The following TENM2 variants were observed in gnomAD, a reference collection of about 807,000 sequenced individuals.
TENM2 encodes the protein teneurin transmembrane protein 2.
A neutral mutation model predicts 245.2 loss-of-function variants in TENM2; 52 were observed. That is an observed-to-expected ratio of 0.21 (90% CI 0.17 to 0.27). TENM2 has a LOEUF of 0.27. Among genes scored for constraint, TENM2 ranks in the 10% least tolerant of loss-of-function variants. The pLI is 1.00. For missense variants in TENM2, 3,046 were observed against 3,666.8 expected (o/e 0.83, Z 4.37); for synonymous variants, 1,363 against 1,438.9 (o/e 0.95, Z 1.19).
At chr5:168,180,741 A>G (rs140787604) in intron 13 of TENM2, among the ~76,000 whole-genome samples, 5,006 of 152,122 alleles carry the variant, frequency 0.033, 121 homozygotes, top group Middle Eastern at 0.065. Context: ...ACTAAAAATA[A>G]AAATAAAAAA....
chr5:167,694,633 G>T (rs1346471017), intron 2 of TENM2, among the ~76,000 whole-genome samples: 1 of 152,108 alleles, frequency 6.6e-6, no homozygotes, highest in Non-Finnish European at 1.5e-5. Context: ...AGTGGAAAAA[G>T]TCTGGTTGGT....
intron 2 of TENM2, among the ~76,000 whole-genome samples, chr5:167,505,544 T>C (rs1008745975): frequency 5.3e-5 from 8 of 152,106 alleles, no homozygotes; most frequent in African/African-American, 1.9e-4. Flanking sequence ...AATAGGAGAA[T>C]TGAAAAATGT....
intron 5 of TENM2, among the ~76,000 whole-genome samples, chr5:168,014,130 G>T (rs755075361): frequency 1.2e-4 from 19 of 152,186 alleles, no homozygotes; most frequent in Non-Finnish European, 2.2e-4. Context: ...CAACATTTGT[G>T]AAGGAGGGGG....
At chr5:167,205,370 G>T in the TENM2 span, among the ~76,000 whole-genome samples, 1 of 152,154 alleles carries the variant, frequency 6.6e-6, no homozygotes, top group Non-Finnish European at 1.5e-5. Flanking sequence ...GACAGAGTGA[G>T]ACTCTGTCTC....
At chr5:167,662,997 T>A (rs1055514943) in intron 2 of TENM2, among the ~76,000 whole-genome samples, 1 of 152,204 alleles carries the variant, frequency 6.6e-6, no homozygotes, top group South Asian at 2.1e-4. Context: ...TATTTTAACC[T>A]CTGTGTCTCT....
At chr5:167,002,843 G>T in the TENM2 span, among the ~76,000 whole-genome samples, 1 of 151,950 alleles carries the variant, frequency 6.6e-6, no homozygotes, top group South Asian at 2.1e-4. Context: ...GGTAGGACTA[G>T]CCTATTAAGG....
the TENM2 span, among the ~76,000 whole-genome samples, chr5:167,090,799 G>T: frequency 3.7e-4 from 57 of 152,164 alleles, 1 homozygote; most frequent in Admixed American, 3.7e-3. Context: ...TTGTGTTGTA[G>T]ATTCTGTAAA....
chr5:167,018,772 C>A, the TENM2 span, among the ~76,000 whole-genome samples: 3 of 152,146 alleles, frequency 2.0e-5, no homozygotes, highest in African/African-American at 7.2e-5. Flanking sequence ...TTCAAAAGAG[C>A]AACCAGGTGA....
the TENM2 span, among the ~76,000 whole-genome samples, chr5:167,182,469 C>A: frequency 6.6e-6 from 1 of 152,052 alleles, no homozygotes; most frequent in African/African-American, 2.4e-5. Context: ...TATTTTAGGA[C>A]TAATCGTGAT....
intron 2 of TENM2, among the ~76,000 whole-genome samples, chr5:167,837,097 C>CAG (rs1554128390): frequency 2.1e-4 from 30 of 142,976 alleles, no homozygotes; most frequent in African/African-American, 7.8e-4. Flanking sequence ...CACACACACA[C>CAG]AGAGATATAT....
At chr5:167,368,776 T>C (rs73369704) in intron 1 of TENM2, among the ~76,000 whole-genome samples, 6,934 of 151,484 alleles carry the variant, frequency 0.046, 463 homozygotes, top group African/African-American at 0.15. Context: ...CAGGGCAGAG[T>C]TGAGATTTTA....
intron 2 of TENM2, among the ~76,000 whole-genome samples, chr5:167,718,191 A>T (rs1759394228): frequency 6.6e-6 from 1 of 152,082 alleles, no homozygotes; most frequent in African/African-American, 2.4e-5. Context: ...CACCCAATTT[A>T]TTTTTGTATA....
chr5:166,995,796 C>A, the TENM2 span, among the ~76,000 whole-genome samples: 1 of 113,674 alleles, frequency 8.8e-6, no homozygotes, highest in East Asian at 2.9e-4. Context: ...GCCTGGGCGA[C>A]AGGGCGAGAC....
intron 3 of TENM2, among the ~76,000 whole-genome samples, chr5:167,907,271 TA>T (rs1221930066): frequency 6.8e-6 from 1 of 146,360 alleles, no homozygotes. Context: ...AACATAAAAA[TA>T]AAAGAAGCAT....
chr5:167,469,613 A>G (rs1385280193), intron 2 of TENM2, among the ~76,000 whole-genome samples: 1 of 152,182 alleles, frequency 6.6e-6, no homozygotes, highest in African/African-American at 2.4e-5. Context: ...ATGAGTCATT[A>G]GCCATTAACA....
chr5:168,205,763 T>G (rs1157471688), intron 19 of TENM2, among the ~76,000 whole-genome samples: 1 of 151,954 alleles, frequency 6.6e-6, no homozygotes, highest in Admixed American at 6.6e-5. Flanking sequence ...TAGACAAGAG[T>G]ACATTGTATT....
chr5:167,350,312 T>A (rs1417469907), intron 1 of TENM2, among the ~76,000 whole-genome samples: 2 of 152,002 alleles, frequency 1.3e-5, no homozygotes, highest in Non-Finnish European at 2.9e-5. Flanking sequence ...CACTTAGTTG[T>A]ATACCTTTCC....
At chr5:168,070,191 AT>A (rs1384177622) in intron 7 of TENM2, among the ~76,000 whole-genome samples, 1 of 152,340 alleles carries the variant, frequency 6.6e-6, no homozygotes, top group Non-Finnish European at 1.5e-5. Flanking sequence ...ATAGAACGAA[AT>A]GTGTGCTTAC....
chr5:167,302,464 G>T (rs1280934352), intron 1 of TENM2, among the ~76,000 whole-genome samples: 13 of 151,722 alleles, frequency 8.6e-5, no homozygotes, highest in Non-Finnish European at 1.6e-4. Context: ...CAGAAAAGGA[G>T]GAAAGGGGTC....
Sources: gnomAD v4.1 joint callset for allele counts (sites outside exome capture counted in the v4.1 genomes callset) on GRCh38, gnomAD v4.1.1 for gene constraint, MANE v1.5 for transcripts, NCBI Gene and HGNC (gene_info 2026-07-23, HGNC 2026-07-21) for gene names.